Variants in HAT1 observed in about 807,000 individuals in gnomAD.
HAT1 encodes the protein histone acetyltransferase 1, also known as histone acetyltransferase type B catalytic subunit.
A neutral mutation model predicts 56.6 loss-of-function variants in HAT1; 20 were observed. The ratio of observed to expected loss-of-function variants is 0.35; its 90% confidence interval spans 0.25 to 0.51. HAT1 has a LOEUF of 0.51. Ranked by LOEUF, HAT1 falls within the 20% of genes least tolerant of loss-of-function variation. The pLI is 0.95. For missense variants in HAT1, 408 were observed against 504.3 expected (o/e 0.81, Z 1.83); for synonymous variants, 146 against 165.5 (o/e 0.88, Z 0.91).
rs1229260354 is a variant in HAT1 at position 171,965,390 on chromosome 2, C to G, written c.362C>G (p.Thr121Arg). Residue 121 changes from threonine (T) to arginine (R), a missense_variant, in exon 5 of 11, where the codon ACA becomes AGA. Coordinates refer to ENST00000264108, the MANE Select transcript of HAT1 (RefSeq NM_003642.4). ...IRQIIPPGFCTNTNDFLSLLE... is the reference protein window; with the variant it reads ...IRQIIPPGFCRNTNDFLSLLE... ...CAAATCATTCCACCTGGATTTTGCA[C>G]AAACACGAATGATTTCCTTTCTTTA... 3 of 1,611,878 alleles carry G rather than the reference C, an allele frequency of 1.9e-6. No individual in the cohort carries two copies. The highest frequency in any genetic ancestry group is 2.2e-5 in the South Asian group (2 of 90,958).
intron 2 of HAT1, among the ~76,000 whole-genome samples, chr2:171,942,849 T>A (rs536248164): frequency 1.9e-4 from 29 of 152,294 alleles, no homozygotes; most frequent in African/African-American, 5.8e-4. Context: ...AAGGCCAATC[T>A]GAATTTTAGA....
intron 10 of HAT1, among the ~76,000 whole-genome samples, chr2:171,982,241 G>T (rs974618860): frequency 2.6e-5 from 4 of 152,296 alleles, no homozygotes; most frequent in Admixed American, 6.5e-5. Context: ...GCTCATGGCT[G>T]TAATCCCAGC....
At chr2:171,928,104 C>T (rs1434681800) in intron 2 of HAT1, among the ~76,000 whole-genome samples, 2 of 151,642 alleles carry the variant, frequency 1.3e-5, no homozygotes, top group East Asian at 2.0e-4. Flanking sequence ...AGACTGGTCT[C>T]GAACTCCTGA....
intron 2 of HAT1, among the ~76,000 whole-genome samples, chr2:171,941,564 G>GATC (rs1687019511): frequency 6.6e-6 from 1 of 152,134 alleles, no homozygotes; most frequent in African/African-American, 2.4e-5. Flanking sequence ...CTCCACCTCA[G>GATC]ATCATCAGGC....
intron 8 of HAT1, among the ~76,000 whole-genome samples, chr2:171,974,451 A>G (rs1255524919): frequency 6.6e-6 from 1 of 152,192 alleles, no homozygotes; most frequent in Non-Finnish European, 1.5e-5. Context: ...CTCTTACTGA[A>G]CTTGTTTATT....
Position 171,976,179 on chromosome 2 carries a change from T to C in HAT1, c.846T>C (p.Tyr282=). ...TAGCGGAAGATCCATCCAAAAGCTA[T>C]GTGAAATTACGAGACTTTGTGCTTG... The part of the protein sequence containing the change: ...DITAEDPSKS[Y]VKLRDFVLVK... The change falls in exon 9 of 11, where the codon TAT becomes TAC. Residue 282 remains tyrosine (Y), a synonymous_variant. Transcript: ENST00000264108. 1 of 1,590,100 alleles carries C rather than the reference T, an allele frequency of 6.3e-7. No individual in the cohort carries two copies. The highest frequency in any genetic ancestry group is 8.6e-7 in the Non-Finnish European group (1 of 1,167,372).
At chr2:171,963,522 T>C (rs1287910116) in intron 4 of HAT1, among the ~76,000 whole-genome samples, 1 of 152,140 alleles carries the variant, frequency 6.6e-6, no homozygotes, top group East Asian at 1.9e-4. Context: ...AGACAGGACA[T>C]AAGGAAAGTT....
At chr2:171,943,072 AGTT>A (rs1408285742) in intron 2 of HAT1, among the ~76,000 whole-genome samples, 25 of 148,752 alleles carry the variant, frequency 1.7e-4, no homozygotes, top group Non-Finnish European at 2.1e-4. Flanking sequence ...GACATATTTG[AGTT>A]TTTTTTTTTT....
chr2:171,953,958 G>A (rs1426623213), intron 4 of HAT1, among the ~76,000 whole-genome samples: 1 of 152,122 alleles, frequency 6.6e-6, no homozygotes, highest in Non-Finnish European at 1.5e-5. Flanking sequence ...TCGTGCCACT[G>A]CACTGCAGCC....
At chr2:171,979,218 T>C (rs749926746) in intron 9 of HAT1, 29 bp from the exon 10 acceptor site, 20 of 1,017,006 alleles carry the variant, frequency 2.0e-5, no homozygotes, top group Non-Finnish European at 2.7e-5. Context: ...ACTTTGAAAA[T>C]GTTCGCATTT....
At chr2:171,961,157 A>G (rs1455385328) in intron 4 of HAT1, among the ~76,000 whole-genome samples, 1 of 151,840 alleles carries the variant, frequency 6.6e-6, no homozygotes, top group African/African-American at 2.4e-5. Context: ...ACGAAAACAA[A>G]AGCTAGGCAT....
At chr2:171,944,975 G>T (rs144836493) in intron 2 of HAT1, among the ~76,000 whole-genome samples, 1 of 152,076 alleles carries the variant, frequency 6.6e-6, no homozygotes, top group African/African-American at 2.4e-5. Context: ...AGGTTCAAGC[G>T]ATTCTCATGC....
At chr2:171,945,679 A>AT (rs991548107) in intron 2 of HAT1, among the ~76,000 whole-genome samples, 1 of 146,406 alleles carries the variant, frequency 6.8e-6, no homozygotes, top group African/African-American at 2.5e-5. Context: ...TTATTTATTT[A>AT]TTTTTTTGAG....
chr2:171,977,543 ATATATATATATATATTTTTTTT>A (rs1688010214), intron 9 of HAT1, among the ~76,000 whole-genome samples: 5 of 13,846 alleles, frequency 3.6e-4, no homozygotes, highest in Non-Finnish European at 3.9e-4. Flanking sequence ...ATATATATAT[ATATATATATATATATTTTTTTT>A]TTTTTTTTTT....
intron 4 of HAT1, among the ~76,000 whole-genome samples, chr2:171,962,123 A>C (rs750209918): frequency 6.6e-6 from 1 of 152,080 alleles, no homozygotes; most frequent in South Asian, 2.1e-4. Flanking sequence ...AAAAAAATAG[A>C]TTACTAATTA....
chr2:171,952,904 G>T lies in HAT1; in HGVS notation c.212G>T (p.Gly71Val). Residue 71 changes from glycine (G) to valine (V), a missense_variant, in exon 4 of 11, where the codon GGT (glycine) becomes GTT (valine). Transcript: ENST00000264108. ...GDDETAFGYK[G>V]LKILLYYIAG... ...AGTGAAACTGCTTTTGGTTACAAGG[G>T]TCTAAAGATCCTGTTATACTATATT... The T allele has an allele frequency of 6.3e-6, 10 of 1,592,726 alleles. No homozygotes were observed. The highest frequency in any genetic ancestry group is 7.7e-6 in the Non-Finnish European group (9 of 1,165,088).
chr2:171,965,995 A>G (rs1197754604), intron 6 of HAT1, 87 bp downstream of exon 6: 3 of 1,158,834 alleles, frequency 2.6e-6, no homozygotes, highest in Middle Eastern at 2.1e-4. Context: ...TTGGGACAGT[A>G]TAATGATATT....
rs1687740981 is a variant in HAT1, at chr2:171,968,714, T to C, written c.823+1765T>C. Among the ~76,000 whole-genome samples the C allele has an allele frequency of 4.6e-5, 7 of 152,296 alleles. No homozygotes were observed. In the South Asian group the frequency reaches 1.4e-3, roughly 32 times the overall value. On this transcript the variant is annotated intron_variant, in intron 8 of 10. Coordinates refer to ENST00000264108, the MANE Select transcript of HAT1 (RefSeq NM_003642.4). ...ATACTAAAAATGCCTTATCAGCTGT[T>C]CTCATTAAGATATTTATTTCTCCTA...
intron 2 of HAT1, among the ~76,000 whole-genome samples, chr2:171,938,796 A>G (rs1160865426): frequency 6.6e-6 from 1 of 152,012 alleles, no homozygotes; most frequent in Non-Finnish European, 1.5e-5. Context: ...ACTACAGTGC[A>G]GTGGTGCAGT....
Sources: gnomAD v4.1 joint callset for allele counts (sites outside exome capture counted in the v4.1 genomes callset) on GRCh38, gnomAD v4.1.1 for gene constraint, MANE v1.5 for transcripts, NCBI Gene and HGNC (gene_info 2026-07-23, HGNC 2026-07-21) for gene names.